TMPRSS15: variants seen among roughly 807,000 people sequenced by gnomAD.
TMPRSS15 encodes transmembrane serine protease 15.
In TMPRSS15, 128 loss-of-function variants were observed where a neutral mutation model predicts 125.3. That is an observed-to-expected ratio of 1.02 (90% CI 0.89 to 1.18). The LOEUF (loss-of-function observed/expected upper bound fraction) is 1.18. Among genes scored for constraint, TMPRSS15 ranks in the 50% most tolerant of loss-of-function variants. The pLI is 0.00. For missense variants in TMPRSS15, 1,283 were observed against 1,212.7 expected (o/e 1.06, Z -0.86); for synonymous variants, 446 against 423.2 (o/e 1.05, Z -0.66).
At position 18,269,868 on chromosome 21, in the gene TMPRSS15, T is replaced by C. The variant is rs556480183; in HGVS notation, c.*101A>G. 96 of 1,450,744 alleles carry C rather than the reference T, an allele frequency of 6.6e-5. 1 individual carries two copies. The South Asian group carries it at 1.1e-3, about 17-fold the overall frequency. 89.9% of individuals were successfully genotyped at this position (1,450,744 alleles called of 1,614,324 possible). A position where few individuals can be genotyped will look rare whatever the true frequency, so the allele number is the denominator to read the frequency against. On this transcript the variant is annotated 3_prime_UTR_variant, in exon 25 of 25. Coordinates refer to ENST00000284885, the MANE Select transcript of TMPRSS15 (RefSeq NM_002772.3). ...TGACATAGGTAAGAATAAAAACCTT[T>C]GGTAACTTTTTAAAATTTTTGTACG...
chr21:18,388,781 TC>T (rs1255705225), intron 3 of TMPRSS15, among the ~76,000 whole-genome samples: 7 of 152,148 alleles, frequency 4.6e-5, no homozygotes, highest in Non-Finnish European at 1.0e-4. Flanking sequence ...AATAAAACTT[TC>T]CCGTGTAATG....
chr21:18,315,738 T>C (rs1438094187), intron 16 of TMPRSS15, among the ~76,000 whole-genome samples: 1 of 118,966 alleles, frequency 8.4e-6, no homozygotes. Flanking sequence ...GCTTTGATAC[T>C]GAGTAAATGA....
intron 6 of TMPRSS15, among the ~76,000 whole-genome samples, chr21:18,369,973 C>CAAAAAAAAAAAAAAA (rs148057792): frequency 7.4e-6 from 1 of 136,014 alleles, no homozygotes; most frequent in East Asian, 2.1e-4. Flanking sequence ...CTTACTTAAA[C>CAAAAAAAAAAAAAAA]GAAAAAAAAA....
chr21:18,468,356 A>G (rs747990552), intron 1 of TMPRSS15, among the ~76,000 whole-genome samples: 5 of 152,132 alleles, frequency 3.3e-5, no homozygotes, highest in Non-Finnish European at 7.3e-5. Context: ...TGACACAGCC[A>G]ATTCAGGTTG....
At chr21:18,479,580 G>T (rs1009456184) in intron 1 of TMPRSS15, among the ~76,000 whole-genome samples, 4 of 151,858 alleles carry the variant, frequency 2.6e-5, no homozygotes, top group African/African-American at 4.8e-5. Flanking sequence ...GTGGGCAAAA[G>T]ATATGAACAG....
intron 1 of TMPRSS15, among the ~76,000 whole-genome samples, chr21:18,437,854 A>G (rs2076231358): frequency 6.6e-6 from 1 of 152,102 alleles, no homozygotes; most frequent in Non-Finnish European, 1.5e-5. Context: ...GTGGAGAAAT[A>G]GGAACACTTT....
At position 18,281,054 on chromosome 21, in the gene TMPRSS15, T is replaced by G; in HGVS notation, c.2654A>C (p.Lys885Thr). ...TTTTTTTTTACCTGTGTAATTCACT[T>G]TAAATTCCAGATGCATCATGGCAAT... ...NDIAMMHLEF[K>T]VNYTDYIQPI... Residue 885 changes from lysine (K) to threonine (T), a missense_variant, in exon 22 of 25, where the codon AAA (lysine) becomes ACA (threonine). Coordinates refer to ENST00000284885, the MANE Select transcript of TMPRSS15 (RefSeq NM_002772.3). 1.2e-6 allele frequency: 2 copies of G among 1,613,948 alleles called. No individual in the cohort carries two copies. The highest frequency in any genetic ancestry group is 8.5e-7 in the Non-Finnish European group (1 of 1,179,998).
chr21:18,343,581 A>C lies in TMPRSS15; in HGVS notation c.1353T>G (p.Val451=), dbSNP rs1475117357. The change falls in exon 12 of 25, where the codon GTT becomes GTG. Residue 451 remains valine (V), a synonymous_variant. Coordinates refer to ENST00000284885, the MANE Select transcript of TMPRSS15 (RefSeq NM_002772.3). ...CTCCATAATTTCCTTCCTTTTGGAAAACTGTCTTCTCCATATTTTGGTCAT... is the reference window on the plus strand; with the variant it reads ...CTCCATAATTTCCTTCCTTTTGGAACACTGTCTTCTCCATATTTTGGTCAT... ...ISNDQNMEKT[V]FQKEGNYGDN... is the part of the protein sequence containing the mutation. 8 of 1,613,248 alleles carry C rather than the reference A, an allele frequency of 5.0e-6. No homozygotes were observed. The highest frequency in any genetic ancestry group is 4.2e-6 in the Non-Finnish European group (5 of 1,179,312).
chr21:18,471,309 G>C (rs4818416), intron 1 of TMPRSS15, among the ~76,000 whole-genome samples: 71,616 of 151,846 alleles, frequency 0.47, 17,902 homozygotes, highest in East Asian at 0.93. Flanking sequence ...TATAGTGTTA[G>C]ATGCATTATT....
chr21:18,387,320 T>TG (rs1337176285), intron 3 of TMPRSS15, among the ~76,000 whole-genome samples: 4 of 152,156 alleles, frequency 2.6e-5, no homozygotes, highest in African/African-American at 9.7e-5. Flanking sequence ...ACAGAAAGCT[T>TG]GAGTATAATA....
rs1398669158 is a variant in TMPRSS15, at chr21:18,290,381, C to T, written c.2486+3889G>A. 2.6e-5 allele frequency among the ~76,000 whole-genome samples: 4 copies of T among 151,916 alleles called. No individual in the cohort carries two copies. In the East Asian group the frequency reaches 7.7e-4, roughly 29 times the overall value. ...ATAAGGTTTCTTACAGAAAAGTTGA[C>T]TTCAGGACTAGGATAGAAAACACAC... On this transcript the variant is annotated intron_variant, in intron 21 of 24. Coordinates refer to ENST00000284885, the MANE Select transcript of TMPRSS15 (RefSeq NM_002772.3).
intron 1 of TMPRSS15, among the ~76,000 whole-genome samples, chr21:18,462,932 C>G (rs1451102320): frequency 6.6e-6 from 1 of 151,994 alleles, no homozygotes; most frequent in Non-Finnish European, 1.5e-5. Context: ...AATTTTCAAT[C>G]CAGAATTTCA....
intron 1 of TMPRSS15, among the ~76,000 whole-genome samples, chr21:18,438,786 T>C (rs889895037): frequency 6.6e-6 from 1 of 152,216 alleles, no homozygotes; most frequent in Non-Finnish European, 1.5e-5. Flanking sequence ...TATGTACTTA[T>C]TTATTGTGAA....
At chr21:18,349,731 TA>T (rs1346607087) in intron 10 of TMPRSS15, among the ~76,000 whole-genome samples, 2 of 152,132 alleles carry the variant, frequency 1.3e-5, no homozygotes, top group Non-Finnish European at 2.9e-5. Context: ...TGTCTAATTT[TA>T]AAAAACTCCT....
intron 3 of TMPRSS15, among the ~76,000 whole-genome samples, chr21:18,385,605 C>T (rs1313626664): frequency 1.3e-5 from 2 of 152,248 alleles, no homozygotes; most frequent in South Asian, 2.1e-4. Context: ...ACCTTGAGAC[C>T]ATGAGTGAGG....
At chr21:18,341,388 C>A (rs751244556) in intron 13 of TMPRSS15, 25 bp downstream of exon 13, 1 of 1,613,824 alleles carries the variant, frequency 6.2e-7, no homozygotes, top group Admixed American at 1.7e-5. Context: ...TTTAATAAGA[C>A]AAAATACACA....
chr21:18,277,310 A>T (rs553927687), intron 23 of TMPRSS15, among the ~76,000 whole-genome samples: 7 of 146,568 alleles, frequency 4.8e-5, no homozygotes, highest in South Asian at 2.1e-4. Context: ...CTCAGCTTTT[A>T]AAAAAAATCC....
At chr21:18,364,943 T>C (rs1408578300) in intron 7 of TMPRSS15, among the ~76,000 whole-genome samples, 197 bp downstream of exon 7, 1 of 152,190 alleles carries the variant, frequency 6.6e-6, no homozygotes, top group Non-Finnish European at 1.5e-5. Context: ...TTAGACAGTA[T>C]TGTTCATAGC....
At chr21:18,324,447 C>G (rs866548801) in intron 16 of TMPRSS15, among the ~76,000 whole-genome samples, 8 of 152,100 alleles carry the variant, frequency 5.3e-5, no homozygotes, top group South Asian at 4.1e-4. Context: ...GGCCTCTAGT[C>G]AAATCAGAAA....
Sources: gnomAD v4.1 joint callset for allele counts (sites outside exome capture counted in the v4.1 genomes callset) on GRCh38, gnomAD v4.1.1 for gene constraint, MANE v1.5 for transcripts, NCBI Gene and HGNC (gene_info 2026-07-23, HGNC 2026-07-21) for gene names.